Variants in JAK1 observed in about 807,000 individuals in gnomAD.
The protein encoded by JAK1 is tyrosine-protein kinase JAK1.
A neutral mutation model predicts 136.6 loss-of-function variants in JAK1; 16 were observed. The observed-to-expected ratio is 0.12, with a 90% CI of 0.08 to 0.18. The LOEUF (loss-of-function observed/expected upper bound fraction) is 0.18, where lower values mean the gene tolerates loss of function less well. Ranked by LOEUF, JAK1 falls within the 10% of genes least tolerant of loss-of-function variation. JAK1 has a pLI of 1.00. For missense variants in JAK1, 859 were observed against 1,450.1 expected (o/e 0.59, Z 6.62); for synonymous variants, 492 against 519.5 (o/e 0.95, Z 0.72).
intron 1 of JAK1, among the ~76,000 whole-genome samples, chr1:64,889,423 T>C (rs1159059814): frequency 1.3e-5 from 2 of 152,204 alleles, no homozygotes; most frequent in Admixed American, 6.5e-5. Context: ...TTTATAAAAT[T>C]GTCAAGGATT....
upstream of JAK1, among the ~76,000 whole-genome samples, chr1:64,970,134 C>CA (rs1232133832): frequency 1.4e-4 from 7 of 49,506 alleles, no homozygotes; most frequent in Admixed American, 4.2e-4. Context: ...GACCCTGTCT[C>CA]AAAAAAAAAA....
intron 2 of JAK1, among the ~76,000 whole-genome samples, chr1:64,988,020 T>C (rs1039119622): frequency 2.8e-4 from 43 of 152,370 alleles, no homozygotes; most frequent in African/African-American, 1.0e-3. Flanking sequence ...GTGTACCTCA[T>C]ACTTTTTAAG....
intron 12 of JAK1, among the ~76,000 whole-genome samples, chr1:64,850,579 G>T (rs1178990738): frequency 6.6e-6 from 1 of 152,236 alleles, no homozygotes; most frequent in Non-Finnish European, 1.5e-5. Flanking sequence ...ACCCCACAAA[G>T]CCTGACCAAA....
In JAK1 at chr1:65,020,140, G is replaced by A. The variant is rs528424066; in HGVS notation, c.-78+24340C>T. ...CATGGGAGGCTGAAGCAGGAGAATC[G>A]CTTGAACCCGGGAGGCGGAGGTTGC... is the stretch of plus-strand genomic sequence containing the variant. On this transcript the variant is annotated intron_variant, in intron 2 of 25. Transcript: ENST00000671954. Among the ~76,000 whole-genome samples the A allele has an allele frequency of 1.4e-4, 21 of 148,230 alleles. 2 individuals are homozygous for A. The South Asian group carries it at 4.5e-3, about 32-fold the overall frequency.
intron 2 of JAK1, among the ~76,000 whole-genome samples, chr1:65,038,603 T>G (rs1647099040): frequency 6.6e-6 from 1 of 152,166 alleles, no homozygotes; most frequent in Non-Finnish European, 1.5e-5. Context: ...ATATTTCACA[T>G]AACTTTTATG....
intron 1 of JAK1, among the ~76,000 whole-genome samples, chr1:64,928,777 G>GAAAAAA (rs1645626252): frequency 1.3e-3 from 1 of 778 alleles, no homozygotes; most frequent in Non-Finnish European, 4.7e-3. Context: ...ATAAAACTCT[G>GAAAAAA]CAAAAAAAAA....
chr1:64,980,229 T>C (rs1455843717), intron 2 of JAK1, among the ~76,000 whole-genome samples: 2 of 152,184 alleles, frequency 1.3e-5, no homozygotes, highest in African/African-American at 4.8e-5. Context: ...GTGCCTGGAC[T>C]GTGGAAGTGT....
At chr1:64,885,480 G>A (rs1436973726) in intron 2 of JAK1, among the ~76,000 whole-genome samples, 1 of 152,166 alleles carries the variant, frequency 6.6e-6, no homozygotes, top group Non-Finnish European at 1.5e-5. Context: ...TCGGCTGGGT[G>A]TGGTGGCTCA....
At chr1:64,872,329 AG>A (rs1449005096) in intron 5 of JAK1, among the ~76,000 whole-genome samples, 1 of 152,178 alleles carries the variant, frequency 6.6e-6, no homozygotes, top group Non-Finnish European at 1.5e-5. Context: ...TGGAAGAAAT[AG>A]TCCCCCACCC....
In JAK1 at chr1:64,850,891, C is replaced by T; in HGVS notation, c.1668G>A (p.Val556=). 1 of 1,613,694 alleles carries T rather than the reference C, an allele frequency of 6.2e-7. No homozygotes were observed. The highest frequency in any genetic ancestry group is 1.3e-5 in the African/African-American group (1 of 75,030). The change falls in exon 12 of 25, where the codon GTG becomes GTA. Residue 556 remains valine, a synonymous_variant. Coordinates refer to ENST00000342505, the MANE Select transcript of JAK1 (RefSeq NM_002227.4). ...PKPREISNLL[V]ATKKAQEWQP... is the part of the protein sequence containing the mutation. Reference sequence around the variant, plus strand: ...GCCACTCCTGGGCTTTCTTAGTAGCCACCAGCAGGTTGGAGATTTCTGTGG... The same window carrying T: ...GCCACTCCTGGGCTTTCTTAGTAGCTACCAGCAGGTTGGAGATTTCTGTGG...
At chr1:65,027,873 C>G (rs12077783) in intron 2 of JAK1, among the ~76,000 whole-genome samples, 1,883 of 152,320 alleles carry the variant, frequency 0.012, 42 homozygotes, top group African/African-American at 0.043. Context: ...TGGATCCAGA[C>G]TAGAAGCTGT....
At position 64,906,306 on chromosome 1, in the gene JAK1, A is replaced by G. The variant is rs556318984; in HGVS notation, c.-77-19965T>C. On this transcript the variant is annotated intron_variant, in intron 1 of 24. Coordinates refer to ENST00000342505, the MANE Select transcript of JAK1 (RefSeq NM_002227.4). ...CAAAACTCCATCTCAAAAAAGAAAA[A>G]AAAAAAAAAATCCCAACTACCTCTT... Among the ~76,000 whole-genome samples the G allele has an allele frequency of 8.6e-5, 13 of 152,012 alleles. No individual in the cohort carries two copies. In the East Asian group the frequency reaches 2.3e-3, roughly 27 times the overall value.
At chr1:65,028,470 A>C (rs1646996105) in intron 2 of JAK1, among the ~76,000 whole-genome samples, 1 of 137,424 alleles carries the variant, frequency 7.3e-6, no homozygotes, top group Non-Finnish European at 1.5e-5. Flanking sequence ...GAAGAAAGGA[A>C]GAAAGGAAGG....
At chr1:65,032,811 G>A (rs1647035645) in intron 2 of JAK1, among the ~76,000 whole-genome samples, 2 of 152,134 alleles carry the variant, frequency 1.3e-5, no homozygotes, top group South Asian at 4.1e-4. Flanking sequence ...GTGTTATGGG[G>A]CACCTATTAG....
Position 64,839,491 on chromosome 1 carries a change from C to A in JAK1, c.2842+112G>T, listed in dbSNP as rs1227583846. ...CTTGAGAGTGTGTGGGAACCACCAG[C>A]TAGCATGTCAGACGCCCAGGTAAGG... On this transcript the variant is annotated intron_variant, in intron 20 of 24. Transcript: ENST00000342505. The A allele has an allele frequency of 5.8e-6, 5 of 863,406 alleles. No individual in the cohort carries two copies. The African/African-American group carries it at 8.5e-5, about 15-fold the overall frequency. The allele number at this position is 863,406 out of a possible 1,614,324, so 53.5% of individuals were successfully genotyped here. A position where few individuals can be genotyped will look rare whatever the true frequency, so the allele number is the denominator to read the frequency against.
chr1:64,877,095 A>T (rs1289289325), intron 4 of JAK1, among the ~76,000 whole-genome samples: 1 of 152,236 alleles, frequency 6.6e-6, no homozygotes, highest in Non-Finnish European at 1.5e-5. Flanking sequence ...AGAGGTTGTG[A>T]CAAAGAGGAG....
Position 65,008,640 on chromosome 1 carries a change from C to A in JAK1, c.-78+35840G>T, listed in dbSNP as rs543055498. On this transcript the variant is annotated intron_variant, in intron 2 of 25. Transcript: ENST00000671954. ...CCCCTTCCCCTTCCCCTTCCCCTTC[C>A]CCTTCGCCTTCCTCTTCCCCTTTCC... 7.3e-5 allele frequency among the ~76,000 whole-genome samples: 11 copies of A among 150,672 alleles called. No individual in the cohort carries two copies. The East Asian group carries it at 2.3e-3, about 32-fold the overall frequency.
At chr1:65,053,771 T>TGATG (rs1407922376) in intron 1 of JAK1, among the ~76,000 whole-genome samples, 23 of 152,160 alleles carry the variant, frequency 1.5e-4, no homozygotes, top group African/African-American at 5.3e-4. Context: ...CAATGAGCCG[T>TGATG]GATGGCACCA....
At chr1:64,957,517 A>G (rs1646209398) in intron 1 of JAK1, among the ~76,000 whole-genome samples, 1 of 152,218 alleles carries the variant, frequency 6.6e-6, no homozygotes, top group Non-Finnish European at 1.5e-5. Flanking sequence ...CCATGTATAA[A>G]AGTGTACTGC....
Sources: allele counts gnomAD v4.1 joint callset (sites outside exome capture counted in the v4.1 genomes callset), GRCh38; gene constraint gnomAD v4.1.1; transcripts MANE v1.5; gene names NCBI Gene and HGNC (gene_info 2026-07-23, HGNC 2026-07-21).